Variants in ADAMTS20 observed in about 807,000 individuals in gnomAD.
ADAMTS20 encodes the protein ADAM metallopeptidase with thrombospondin type 1 motif 20.
A neutral mutation model predicts 260.1 loss-of-function variants in ADAMTS20; 225 were observed. That is an observed-to-expected ratio of 0.87 (90% confidence interval 0.78 to 0.97). ADAMTS20 has a LOEUF of 0.97. Ranked by LOEUF, ADAMTS20 falls within the 50% of genes least tolerant of loss-of-function variation. The pLI, the probability that ADAMTS20 is intolerant of heterozygous loss-of-function variation, is 0.00. For missense variants in ADAMTS20, 2,400 were observed against 2,337.7 expected, an observed-to-expected ratio of 1.03 and a Z score of -0.55; for synonymous variants, 802 against 769.5, an observed-to-expected ratio of 1.04 and a Z score of -0.70.
chr12:43,361,308 A>G (rs1232066816), intron 37 of ADAMTS20, among the ~76,000 whole-genome samples: 1 of 152,226 alleles, frequency 6.6e-6, no homozygotes, highest in African/African-American at 2.4e-5. Context: ...TGGTTTATAT[A>G]TTACAGAACA....
intron 3 of ADAMTS20, among the ~76,000 whole-genome samples, chr12:43,515,734 T>C (rs1942991375): frequency 6.6e-6 from 1 of 152,234 alleles, no homozygotes; most frequent in Non-Finnish European, 1.5e-5. Context: ...ACTTAATATG[T>C]TGATTATGGA....
intron 3 of ADAMTS20, among the ~76,000 whole-genome samples, chr12:43,524,318 T>C (rs1943112554): frequency 6.6e-6 from 1 of 151,262 alleles, no homozygotes; most frequent in Non-Finnish European, 1.5e-5. Flanking sequence ...AACATTAAAG[T>C]CACACCCTTA....
intron 2 of ADAMTS20, among the ~76,000 whole-genome samples, chr12:43,537,087 A>T (rs562566364): frequency 5.1e-4 from 78 of 152,172 alleles, no homozygotes; most frequent in African/African-American, 1.5e-3. Context: ...TTTATTATTT[A>T]TGTATGTATT....
At chr12:43,492,252 C>T (rs1471916447) in intron 6 of ADAMTS20, among the ~76,000 whole-genome samples, 2 of 151,630 alleles carry the variant, frequency 1.3e-5, no homozygotes, top group African/African-American at 4.8e-5. Context: ...TGGTGGCGGG[C>T]GCCTGTAGTC....
intron 18 of ADAMTS20, among the ~76,000 whole-genome samples, chr12:43,437,251 A>G (rs913326225): frequency 6.6e-6 from 1 of 152,182 alleles, no homozygotes; most frequent in Non-Finnish European, 1.5e-5. Flanking sequence ...TAAGAAAACA[A>G]TGAATTTGAG....
chr12:43,376,207 A>C, intron 34 of ADAMTS20, 29 bp downstream of exon 34: 1 of 1,538,690 alleles, frequency 6.5e-7, no homozygotes, highest in Non-Finnish European at 8.8e-7. Flanking sequence ...ATCAATGTTA[A>C]AATAAAAAAG....
Position 43,460,988 on chromosome 12 carries a change from A to ATATATATATATATTTTTTTT in ADAMTS20, c.1614+1906_1614+1907insAAAAAAAATATATATATATA. 6.4e-4 allele frequency among the ~76,000 whole-genome samples: 17 copies of ATATATATATATATTTTTTTT among 26,386 alleles called. 1 individual carries two copies. The highest frequency in any genetic ancestry group is 7.4e-4 in the Non-Finnish European group (11 of 14,962). The allele number at this position is 26,386 out of a possible 152,430, so 17.3% of individuals were successfully genotyped here. A position where few individuals can be genotyped will look rare whatever the true frequency, so the allele number is the denominator to read the frequency against. On this transcript the variant is annotated intron_variant, in intron 11 of 38. Coordinates refer to ENST00000389420, the MANE Select transcript of ADAMTS20 (RefSeq NM_025003.5). ...ATTATATATATATATATATATATATATTTTTTTTTTTTTTTTTTTTTTTGA... is the reference window on the plus strand; with the variant it reads ...ATTATATATATATATATATATATATATATATATATATATTTTTTTTTTTTTTTTTTTTTTTTTTTTTTTGA...
intron 28 of ADAMTS20, among the ~76,000 whole-genome samples, chr12:43,401,613 TTAATC>T (rs1418856096): frequency 6.6e-6 from 1 of 151,946 alleles, no homozygotes; most frequent in African/African-American, 2.4e-5. Flanking sequence ...CTTTGTTACT[TTAATC>T]TATTAAACTA....
At chr12:43,433,945 C>A (rs534809712) in intron 19 of ADAMTS20, among the ~76,000 whole-genome samples, 44 of 152,246 alleles carry the variant, frequency 2.9e-4, no homozygotes, top group African/African-American at 8.2e-4. Context: ...TGTTTCAGAT[C>A]TTTAAACCAT....
In ADAMTS20 at chr12:43,485,694, C is replaced by T. The variant is rs529858420; in HGVS notation, c.1117+4701G>A. On this transcript the variant is annotated intron_variant, in intron 7 of 38. Transcript: ENST00000389420. The stretch of plus-strand genomic sequence containing the variant: ...TCTTACAGACTCCTCCAAAAGACTC[C>T]TAGATCTGATAAATGAATTCAGTAA... 2.0e-5 allele frequency among the ~76,000 whole-genome samples: 3 copies of T among 152,170 alleles called. No homozygotes were observed. In the East Asian group the frequency reaches 5.8e-4, roughly 29 times the overall value.
At chr12:43,381,780 C>CAAAAAAAAAAA (rs765135656) in intron 31 of ADAMTS20, among the ~76,000 whole-genome samples, 1 of 34,528 alleles carries the variant, frequency 2.9e-5, no homozygotes, top group African/African-American at 1.2e-4. Context: ...GACTGCATCT[C>CAAAAAAAAAAA]AAAAAAAAAA....
At chr12:43,430,233 A>C in intron 23 of ADAMTS20, 119 bp downstream of exon 23, 1 of 1,193,890 alleles carries the variant, frequency 8.4e-7, no homozygotes, top group Non-Finnish European at 1.1e-6. Flanking sequence ...TCTCACACAT[A>C]CACGTGTTTA....
intron 24 of ADAMTS20, 53 bp downstream of exon 24, chr12:43,429,564 G>T: frequency 2.3e-6 from 3 of 1,283,462 alleles, no homozygotes; most frequent in Non-Finnish European, 3.2e-6. Flanking sequence ...TTTTGTTGAT[G>T]TCTAAAAGCT....
chr12:43,512,068 C>T (rs1012986681), intron 3 of ADAMTS20, among the ~76,000 whole-genome samples: 1 of 151,752 alleles, frequency 6.6e-6, no homozygotes, highest in Non-Finnish European at 1.5e-5. Flanking sequence ...AGATATAATA[C>T]TGAGTGCTTA....
chr12:43,354,416 A>G (rs1045325962), intron 38 of ADAMTS20, 118 bp from the exon 39 acceptor site: 2 of 681,102 alleles, frequency 2.9e-6, no homozygotes, highest in African/African-American at 3.6e-5. Flanking sequence ...GAGGTTTCCT[A>G]TAACAATTGC....
chr12:43,429,247 A>G (rs1488682693), intron 24 of ADAMTS20, among the ~76,000 whole-genome samples: 1 of 152,128 alleles, frequency 6.6e-6, no homozygotes, highest in Non-Finnish European at 1.5e-5. Context: ...AGCAACGTAT[A>G]CTCCACATAC....
intron 11 of ADAMTS20, among the ~76,000 whole-genome samples, chr12:43,460,985 TA>T (rs1171579656): frequency 0.014 from 837 of 60,750 alleles, 19 homozygotes; most frequent in African/African-American, 0.029. Flanking sequence ...TATATATATA[TA>T]TATTTTTTTT....
intron 28 of ADAMTS20, among the ~76,000 whole-genome samples, chr12:43,406,688 T>A (rs992057851): frequency 2.6e-5 from 4 of 152,036 alleles, no homozygotes; most frequent in Admixed American, 2.0e-4. Context: ...AAGCCAATGA[T>A]ACTTGGAGAT....
At chr12:43,461,383 G>T (rs540049299) in intron 11 of ADAMTS20, among the ~76,000 whole-genome samples, 1 of 152,120 alleles carries the variant, frequency 6.6e-6, no homozygotes. Context: ...CCATCAAATT[G>T]TATACCTAAG....
Sources: allele counts gnomAD v4.1 joint callset (sites outside exome capture counted in the v4.1 genomes callset), GRCh38; gene constraint gnomAD v4.1.1; transcripts MANE v1.5; gene names NCBI Gene and HGNC (gene_info 2026-07-23, HGNC 2026-07-21).